HMBOX1: variants seen among roughly 807,000 people sequenced by gnomAD.
The protein encoded by HMBOX1 is homeobox-containing protein 1.
Under a neutral mutation model 54.5 loss-of-function variants are expected in HMBOX1, and 14 were observed. That is an observed-to-expected ratio of 0.26 (90% CI 0.17 to 0.40). The LOEUF (loss-of-function observed/expected upper bound fraction) is 0.40, where lower values mean the gene tolerates loss of function less well. HMBOX1 is among the 10% of genes least tolerant of loss of function. The pLI, the probability that HMBOX1 is intolerant of heterozygous loss-of-function variation, is 1.00. For synonymous variants in HMBOX1, 160 were observed against 181.0 expected, an observed-to-expected ratio of 0.88 and a Z score of 0.93; for missense variants, 332 against 514.4, an observed-to-expected ratio of 0.65 and a Z score of 3.43.
intron 1 of HMBOX1, among the ~76,000 whole-genome samples, chr8:28,950,181 T>G (rs1348213745): frequency 6.6e-6 from 1 of 152,206 alleles, no homozygotes; most frequent in African/African-American, 2.4e-5. Flanking sequence ...CATGAGAATT[T>G]TTCTTGTACT....
intron 5 of HMBOX1, among the ~76,000 whole-genome samples, chr8:29,014,566 AAGG>A (rs770517731): frequency 6.6e-6 from 1 of 152,194 alleles, no homozygotes; most frequent in African/African-American, 2.4e-5. Context: ...GAAAAAGAAA[AAGG>A]AGCCAGAAAA....
intron 6 of HMBOX1, among the ~76,000 whole-genome samples, chr8:29,028,730 GATGAT>G (rs1802452857): frequency 6.6e-6 from 1 of 152,172 alleles, no homozygotes; most frequent in Non-Finnish European, 1.5e-5. Flanking sequence ...TATGCTGAGT[GATGAT>G]ATGATGATCT....
At chr8:28,995,689 A>T (rs1355962100) in intron 4 of HMBOX1, among the ~76,000 whole-genome samples, 1 of 152,156 alleles carries the variant, frequency 6.6e-6, no homozygotes, top group Non-Finnish European at 1.5e-5. Context: ...TATGTGTCTC[A>T]TTGTAGTTTT....
At chr8:28,904,842 A>AT (rs1813965276) in intron 1 of HMBOX1, among the ~76,000 whole-genome samples, 1 of 151,694 alleles carries the variant, frequency 6.6e-6, no homozygotes, top group Non-Finnish European at 1.5e-5. Flanking sequence ...CGCCCAACTA[A>AT]TTTTTTGTAT....
chr8:28,966,822 A>G (rs1388929991), intron 2 of HMBOX1, among the ~76,000 whole-genome samples: 1 of 152,178 alleles, frequency 6.6e-6, no homozygotes, highest in Non-Finnish European at 1.5e-5. Context: ...GCAATTGTGG[A>G]TCATTTTGCT....
intron 1 of HMBOX1, among the ~76,000 whole-genome samples, chr8:28,961,819 T>C (rs1196148604): frequency 6.6e-6 from 1 of 152,100 alleles, no homozygotes; most frequent in Admixed American, 6.5e-5. Flanking sequence ...GATTCCATTT[T>C]CTCCACATTA....
At chr8:28,995,829 G>A (rs1178818311) in intron 4 of HMBOX1, among the ~76,000 whole-genome samples, 3 of 152,154 alleles carry the variant, frequency 2.0e-5, no homozygotes, top group Admixed American at 6.5e-5. Flanking sequence ...TTGGCTGGGC[G>A]CGGTGGCTCA....
At chr8:29,042,821 C>T (rs1805041534) in intron 6 of HMBOX1, 1 of 389,042 alleles carries the variant, frequency 2.6e-6, no homozygotes, top group Non-Finnish European at 5.2e-6. Context: ...GAGGTGAAGC[C>T]CAAAGAGGAA....
Position 29,048,614 on chromosome 8 carries a change from T to C in HMBOX1, c.1031-340T>C, listed in dbSNP as rs1440647367. On this transcript the variant is annotated intron_variant, in intron 8 of 9. Transcript: ENST00000287701. Reference sequence around the variant, plus strand: ...TGGTATGGGCATAGAATGCATTTCATTTCCTTCCTTTGTAAATACACTTTT... The same window carrying C: ...TGGTATGGGCATAGAATGCATTTCACTTCCTTCCTTTGTAAATACACTTTT... 3.0e-5 allele frequency: 5 copies of C among 168,556 alleles called. No homozygotes were observed. The Admixed American group carries it at 3.0e-4, about 10-fold the overall frequency. The allele number at this position is 168,556 out of a possible 1,614,324, so 10.4% of individuals were successfully genotyped here.
chr8:28,933,201 C>T (rs1251731081), intron 1 of HMBOX1, among the ~76,000 whole-genome samples: 2 of 152,128 alleles, frequency 1.3e-5, no homozygotes, highest in South Asian at 2.1e-4. Context: ...CACATGCAGA[C>T]ACTCATCCTC....
At chr8:28,987,610 C>G (rs1193196752) in intron 4 of HMBOX1, among the ~76,000 whole-genome samples, 3 of 152,126 alleles carry the variant, frequency 2.0e-5, no homozygotes, top group Non-Finnish European at 4.4e-5. Context: ...AAGAATTATC[C>G]TATTAACTCT....
chr8:28,930,806 A>AT (rs1413115633), intron 1 of HMBOX1, among the ~76,000 whole-genome samples: 3 of 152,070 alleles, frequency 2.0e-5, no homozygotes, highest in East Asian at 1.9e-4. Flanking sequence ...TGTAACATAT[A>AT]TTTTTTATAC....
At chr8:28,904,515 G>A (rs970419993) in intron 1 of HMBOX1, among the ~76,000 whole-genome samples, 1 of 152,182 alleles carries the variant, frequency 6.6e-6, no homozygotes, top group Non-Finnish European at 1.5e-5. Flanking sequence ...ACAGGCGTGA[G>A]CCACTGTGCC....
intron 1 of HMBOX1, among the ~76,000 whole-genome samples, chr8:28,954,670 A>G (rs1824077050): frequency 6.6e-6 from 1 of 152,172 alleles, no homozygotes; most frequent in Non-Finnish European, 1.5e-5. Flanking sequence ...ATTTGACAAA[A>G]TCTGTCATAA....
Position 28,924,146 on chromosome 8 carries a change from G to A in HMBOX1, c.-58+33468G>A, listed in dbSNP as rs570177087. On this transcript the variant is annotated intron_variant, in intron 1 of 9. Coordinates refer to ENST00000287701, the MANE Select transcript of HMBOX1 (RefSeq NM_001135726.3). ...TTTTGAGATGGAGTCTAGCTCTGTC[G>A]CCCAGGCTGGAGTGCAGTGGAATGA... 1.3e-4 allele frequency among the ~76,000 whole-genome samples: 19 copies of A among 147,366 alleles called. No homozygotes were observed. In the East Asian group the frequency reaches 2.8e-3, roughly 22 times the overall value.
chr8:28,961,897 T>A (rs1825664512), intron 1 of HMBOX1, among the ~76,000 whole-genome samples: 1 of 94,360 alleles, frequency 1.1e-5, no homozygotes, highest in Non-Finnish European at 2.3e-5. Flanking sequence ...TCATTTTATT[T>A]TTTTTTTTTT....
chr8:28,938,551 A>AGCCTTAAGAG (rs1400786365), intron 1 of HMBOX1, among the ~76,000 whole-genome samples: 1 of 151,980 alleles, frequency 6.6e-6, no homozygotes, highest in African/African-American at 2.4e-5. Flanking sequence ...GGCTCAGGTC[A>AGCCTTAAGAG]TCCTCCAGCT....
chr8:28,903,731 TA>T (rs1813700772), intron 1 of HMBOX1, among the ~76,000 whole-genome samples: 1 of 152,262 alleles, frequency 6.6e-6, no homozygotes, highest in Admixed American at 6.5e-5. Flanking sequence ...CAATTGATTT[TA>T]AAAACTTGGT....
rs1268962411 is a variant in HMBOX1 at position 29,051,821 on chromosome 8, G to A, written c.*666G>A. The A allele has an allele frequency of 4.7e-6, 2 of 426,356 alleles. No homozygotes were observed. Among genetic ancestry groups the A allele is most frequent in the East Asian group, 7.1e-5 (2 of 28,328 alleles). 26.4% of individuals were successfully genotyped at this position (426,356 alleles called of 1,614,324 possible). A position where few individuals can be genotyped will look rare whatever the true frequency, so the allele number is the denominator to read the frequency against. On this transcript the variant is annotated 3_prime_UTR_variant, in exon 10 of 10. Transcript: ENST00000287701. ...CAGACATCCTTTCCTCTCACAAGCT[G>A]TGTGACTTAGTAGATAAAATACTGC...
Sources: gnomAD v4.1 joint callset for allele counts (sites outside exome capture counted in the v4.1 genomes callset) on GRCh38, gnomAD v4.1.1 for gene constraint, MANE v1.5 for transcripts, NCBI Gene and HGNC (gene_info 2026-07-23, HGNC 2026-07-21) for gene names.